The following ESR2 variants were observed in gnomAD, a reference collection of about 807,000 sequenced individuals.
The protein encoded by ESR2 is estrogen receptor 2, also known as estrogen receptor beta.
In ESR2, 36 loss-of-function variants were observed where a neutral mutation model predicts 49.6. That is an observed-to-expected ratio of 0.73 (90% CI 0.56 to 0.96). The LOEUF (loss-of-function observed/expected upper bound fraction) is 0.96. ESR2 is among the 40% of genes least tolerant of loss of function. ESR2 has a pLI of 0.00. For synonymous variants in ESR2, 320 were observed against 266.1 expected, an observed-to-expected ratio of 1.20 and a Z score of -1.97; for missense variants, 714 against 693.0, an observed-to-expected ratio of 1.03 and a Z score of -0.34.
downstream of ESR2, chr14:64,227,772 C>CT: frequency 6.5e-7 from 1 of 1,538,388 alleles, no homozygotes; most frequent in Non-Finnish European, 8.7e-7. Context: ...ACTGCAGCTT[C>CT]TTTCACTCAA....
intron 5 of ESR2, among the ~76,000 whole-genome samples, chr14:64,259,204 A>C (rs2076162483): frequency 6.6e-6 from 1 of 152,240 alleles, no homozygotes; most frequent in African/African-American, 2.4e-5. Flanking sequence ...AGACAAAACA[A>C]AATACAACTA....
At chr14:64,250,566 G>A (rs2075966635) in intron 6 of ESR2, among the ~76,000 whole-genome samples, 1 of 152,210 alleles carries the variant, frequency 6.6e-6, no homozygotes, top group African/African-American at 2.4e-5. Context: ...TTGACAAGCA[G>A]TTAGATGATT....
intron 1 of ESR2, among the ~76,000 whole-genome samples, chr14:64,305,290 CAAA>C (rs567349725): frequency 2.0e-5 from 2 of 100,364 alleles, no homozygotes; most frequent in Non-Finnish European, 2.0e-5. Context: ...GACTCCGTCT[CAAA>C]AAAAAAAAAA....
chr14:64,261,512 G>A (rs1218418492), intron 4 of ESR2, among the ~76,000 whole-genome samples: 1 of 152,040 alleles, frequency 6.6e-6, no homozygotes, highest in East Asian at 1.9e-4. Context: ...CAGCCTCCCG[G>A]GTTCAAGCGA....
intron 6 of ESR2, among the ~76,000 whole-genome samples, chr14:64,252,683 T>C (rs1019823888): frequency 6.6e-6 from 1 of 152,066 alleles, no homozygotes; most frequent in South Asian, 2.1e-4. Flanking sequence ...CAAACACTTT[T>C]AAAGCATAAG....
At chr14:64,329,668 T>C (rs533858849) in intron 1 of ESR2, 19 of 152,308 alleles carry the variant, frequency 1.2e-4, no homozygotes, top group African/African-American at 3.1e-4. Flanking sequence ...ACTTGTATCA[T>C]ACATACAAAC....
chr14:64,295,027 G>A (rs1036791054), upstream of ESR2, among the ~76,000 whole-genome samples: 2 of 152,166 alleles, frequency 1.3e-5, no homozygotes, highest in Non-Finnish European at 2.9e-5. Flanking sequence ...GGCCCCTCGC[G>A]CCCCCTGGTG....
chr14:64,237,106 A>G (rs1334444132), intron 7 of ESR2, among the ~76,000 whole-genome samples: 1 of 151,946 alleles, frequency 6.6e-6, no homozygotes. Context: ...GATTACAGGC[A>G]TGCGCCACCA....
chr14:64,270,822 TA>T (rs1372610175), intron 3 of ESR2, among the ~76,000 whole-genome samples: 1 of 152,208 alleles, frequency 6.6e-6, no homozygotes, highest in East Asian at 1.9e-4. Context: ...AAGAGGTAAT[TA>T]AAAAGCTAAT....
At chr14:64,247,586 CT>C (rs2075890107) in intron 7 of ESR2, among the ~76,000 whole-genome samples, 2 of 152,150 alleles carry the variant, frequency 1.3e-5, no homozygotes, top group South Asian at 4.1e-4. Context: ...AATATGTTGT[CT>C]AAATAGAGAT....
At position 64,294,134 on chromosome 14, in the gene ESR2, G is replaced by A. The variant is rs2140852242; in HGVS notation, c.-192C>T. 1 of 152,460 alleles carries A rather than the reference G, an allele frequency of 6.6e-6. No homozygotes were observed. The highest frequency in any genetic ancestry group is 1.9e-4 in the East Asian group (1 of 5,180). 9.4% of individuals were successfully genotyped at this position (152,460 alleles called of 1,614,324 possible). A position where few individuals can be genotyped will look rare whatever the true frequency, so the allele number is the denominator to read the frequency against. ...GGCGCGCGCCCCGCCGCCACCTGTT[G>A]AGGAAAGCGAGCGCACCTCCTGCAG... On this transcript the variant is annotated 5_prime_UTR_variant, in exon 1 of 9. Coordinates refer to ENST00000341099, the MANE Select transcript of ESR2 (RefSeq NM_001437.3).
In ESR2 at chr14:64,229,505, T is replaced by C. The variant is rs1567722213; in HGVS notation, c.*3632A>G. Among the ~76,000 whole-genome samples, 1 of 152,190 alleles carries C rather than the reference T, an allele frequency of 6.6e-6. No homozygotes were observed. Among genetic ancestry groups the C allele is most frequent in the East Asian group, 1.9e-4 (1 of 5,196 alleles). On this transcript the variant is annotated 3_prime_UTR_variant, in exon 9 of 9. Coordinates refer to ENST00000341099, the MANE Select transcript of ESR2 (RefSeq NM_001437.3). ...GTCTGTAGGGGTGTTCTGGACATTG[T>C]GGTGGGAGGTAAGGGGGTATCACAA...
chr14:64,264,517 G>T (rs2076285540), intron 4 of ESR2, among the ~76,000 whole-genome samples: 2 of 152,062 alleles, frequency 1.3e-5, no homozygotes, highest in Admixed American at 6.5e-5. Context: ...GAACATGCAG[G>T]TTTGTTACAT....
intron 1 of ESR2, among the ~76,000 whole-genome samples, chr14:64,316,731 C>A (rs1303186483): frequency 6.6e-6 from 1 of 152,066 alleles, no homozygotes; most frequent in Non-Finnish European, 1.5e-5. Context: ...ATCACTTGAA[C>A]CCAGAAGGTG....
At chr14:64,279,927 T>C in intron 3 of ESR2, 54 bp downstream of exon 3, 1 of 1,485,442 alleles carries the variant, frequency 6.7e-7, no homozygotes, top group Non-Finnish European at 9.4e-7. Context: ...CTCTGCAAAA[T>C]TGTTTGAAAT....
chr14:64,279,779 A>T (rs1025019043), intron 3 of ESR2, among the ~76,000 whole-genome samples: 2 of 152,206 alleles, frequency 1.3e-5, no homozygotes, highest in Non-Finnish European at 2.9e-5. Flanking sequence ...TTGGCTGTAT[A>T]ATCTTGGGGT....
At chr14:64,305,683 A>G (rs1314192320) in intron 1 of ESR2, among the ~76,000 whole-genome samples, 3 of 151,910 alleles carry the variant, frequency 2.0e-5, no homozygotes, top group African/African-American at 7.2e-5. Flanking sequence ...TAAATAAATA[A>G]ATAAATAAAA....
chr14:64,273,940 CT>C lies in ESR2; in HGVS notation c.536-5030del, dbSNP rs58123995. Among the ~76,000 whole-genome samples, 354 of 134,614 alleles carry C rather than the reference CT, an allele frequency of 2.6e-3. 2 individuals are homozygous for C. Among genetic ancestry groups the C allele is most frequent in the Middle Eastern group, 3.8e-3 (1 of 266 alleles). 88.3% of individuals were successfully genotyped at this position (134,614 alleles called of 152,430 possible). ...GTCCTGGCTTTTCTTTGCTGAGAGA[CT>C]TTTTTTTTTTTTTTTTGAGACCTGA... On this transcript the variant is annotated intron_variant, in intron 3 of 8. Coordinates refer to ENST00000341099, the MANE Select transcript of ESR2 (RefSeq NM_001437.3).
chr14:64,262,679 AG>A (rs1489078945), intron 4 of ESR2, among the ~76,000 whole-genome samples: 1 of 134,194 alleles, frequency 7.5e-6, no homozygotes, highest in East Asian at 2.6e-4. Flanking sequence ...GTGGGGCGGG[AG>A]GGGACGGATC....
Sources: allele counts gnomAD v4.1 joint callset (sites outside exome capture counted in the v4.1 genomes callset), GRCh38; gene constraint gnomAD v4.1.1; transcripts MANE v1.5; gene names NCBI Gene and HGNC (gene_info 2026-07-23, HGNC 2026-07-21).